Variants in RNF6 observed in about 807,000 individuals in gnomAD.
The protein encoded by RNF6 is ring finger protein 6, also known as E3 ubiquitin-protein ligase RNF6.
Under a neutral mutation model 50.1 loss-of-function variants are expected in RNF6, and 21 were observed. The observed-to-expected ratio is 0.42, with a 90% CI of 0.30 to 0.60. RNF6 has a LOEUF of 0.60. RNF6 is among the 20% of genes least tolerant of loss of function. The pLI is 0.20. For missense variants in RNF6, 698 were observed against 838.2 expected (o/e 0.83, Z 2.07); for synonymous variants, 255 against 291.8 (o/e 0.87, Z 1.29).
chr13:26,145,791 G>C (rs552776292), intron 5 of RNF6, among the ~76,000 whole-genome samples: 1 of 152,314 alleles, frequency 6.6e-6, no homozygotes, highest in South Asian at 2.1e-4. Flanking sequence ...ATTGCTTTTG[G>C]TTTACTATTT....
At chr13:26,159,544 G>A (rs998711480) in intron 5 of RNF6, among the ~76,000 whole-genome samples, 4 of 152,046 alleles carry the variant, frequency 2.6e-5, no homozygotes, top group Non-Finnish European at 4.4e-5. Context: ...AGAATGGCGT[G>A]AACCCAGGAG....
chr13:26,185,928 C>G (rs1362063311), intron 5 of RNF6, among the ~76,000 whole-genome samples: 3 of 152,166 alleles, frequency 2.0e-5, no homozygotes, highest in African/African-American at 7.2e-5. Flanking sequence ...ACACTATGTC[C>G]TAGCTTCTGC....
chr13:26,194,609 G>GAGAACC (rs1469757542), intron 5 of RNF6, among the ~76,000 whole-genome samples: 1 of 151,554 alleles, frequency 6.6e-6, no homozygotes, highest in African/African-American at 2.4e-5. Context: ...GGCTGTATTA[G>GAGAACC]TCAGGGTTCT....
intron 5 of RNF6, among the ~76,000 whole-genome samples, chr13:26,139,231 G>A (rs962603639): frequency 3.9e-5 from 6 of 152,022 alleles, no homozygotes; most frequent in African/African-American, 1.4e-4. Context: ...AATCATCCCA[G>A]AGTCAGGGAC....
chr13:26,171,865 C>G (rs1007657733), intron 5 of RNF6, among the ~76,000 whole-genome samples: 1 of 151,734 alleles, frequency 6.6e-6, no homozygotes, highest in Non-Finnish European at 1.5e-5. Flanking sequence ...TTCATAGAGA[C>G]AGAAAAAGTA....
intron 5 of RNF6, among the ~76,000 whole-genome samples, chr13:26,151,798 A>G (rs1871616005): frequency 6.6e-6 from 1 of 152,034 alleles, no homozygotes; most frequent in Admixed American, 6.6e-5. Flanking sequence ...AGAAGAAAAA[A>G]GGGGGGAAAT....
intron 5 of RNF6, among the ~76,000 whole-genome samples, chr13:26,177,322 A>G (rs1467009744): frequency 6.6e-6 from 1 of 152,200 alleles, no homozygotes; most frequent in Non-Finnish European, 1.5e-5. Context: ...ACTGGCTGCC[A>G]CAACTCCATA....
At chr13:26,189,047 A>C (rs1335186186) in intron 5 of RNF6, among the ~76,000 whole-genome samples, 1 of 152,080 alleles carries the variant, frequency 6.6e-6, no homozygotes, top group Non-Finnish European at 1.5e-5. Context: ...TATTCCTAGT[A>C]GCCAGGGATG....
chr13:26,163,353 C>T (rs1483413560), intron 5 of RNF6, among the ~76,000 whole-genome samples: 1 of 151,986 alleles, frequency 6.6e-6, no homozygotes, highest in Non-Finnish European at 1.5e-5. Context: ...TTTGTTTCGT[C>T]CATACTCCTC....
At chr13:26,153,991 C>T (rs1409047862) in intron 5 of RNF6, 1 of 152,186 alleles carries the variant, frequency 6.6e-6, no homozygotes, top group East Asian at 1.9e-4. Context: ...ATTTGAAACT[C>T]TAATTTCAGC....
intron 1 of RNF6, 37 bp from the exon 2 acceptor site, chr13:26,221,367 CTGTTTCT>C: frequency 6.6e-6 from 1 of 152,282 alleles, no homozygotes; most frequent in Non-Finnish European, 1.5e-5. Context: ...ATTCAATAAA[CTGTTTCT>C]TTAAAGGCCA....
At position 26,189,872 on chromosome 13, in the gene RNF6, C is replaced by T. The variant is rs186930907; in HGVS notation, n.768+25602G>A. Among the ~76,000 whole-genome samples the T allele has an allele frequency of 6.6e-5, 10 of 152,344 alleles. 1 individual carries two copies. Among genetic ancestry groups the T allele is most frequent in the Admixed American group, 2.0e-4 (3 of 15,302 alleles). On this transcript the variant is annotated intron_variant and non_coding_transcript_variant, in intron 5 of 5. Transcript: ENST00000468480. ...TTTCCTGACTCTAATCCAATCACTACTCTGACAGTTTAGCATTTTGGATTC... is the reference window on the plus strand; with the variant it reads ...TTTCCTGACTCTAATCCAATCACTATTCTGACAGTTTAGCATTTTGGATTC...
intron 5 of RNF6, among the ~76,000 whole-genome samples, chr13:26,175,698 G>A (rs1234668178): frequency 6.6e-6 from 1 of 152,114 alleles, no homozygotes; most frequent in African/African-American, 2.4e-5. Flanking sequence ...GATCCAAGAG[G>A]GAGTGAGAGA....
intron 5 of RNF6, among the ~76,000 whole-genome samples, chr13:26,198,267 A>G (rs546305863): frequency 2.6e-5 from 4 of 151,914 alleles, no homozygotes; most frequent in Non-Finnish European, 5.9e-5. Context: ...GGAAAGAATT[A>G]CAGTTGTAGT....
At chr13:26,188,568 G>C (rs997795039) in intron 5 of RNF6, among the ~76,000 whole-genome samples, 1 of 145,178 alleles carries the variant, frequency 6.9e-6, no homozygotes, top group African/African-American at 2.5e-5. Context: ...TTAGGTGAAA[G>C]CTGCAGCTGT....
chr13:26,146,210 A>G (rs1871234796), intron 5 of RNF6, among the ~76,000 whole-genome samples: 1 of 152,214 alleles, frequency 6.6e-6, no homozygotes, highest in Non-Finnish European at 1.5e-5. Flanking sequence ...AATTTTTGGC[A>G]GTATACTGGG....
At position 26,213,726 on chromosome 13, in the gene RNF6, A is replaced by AT. The variant is rs1869491037; in HGVS notation, c.*97dup. On this transcript the variant is annotated 3_prime_UTR_variant, in exon 5 of 5. Coordinates refer to ENST00000381588, the MANE Select transcript of RNF6 (RefSeq NM_005977.4). ...TAGTTCAAACTATATATAATCTGTT[A>AT]TTTTTCATCCTGGTTAGCTAATCAC... 1.3e-5 allele frequency: 13 copies of AT among 978,250 alleles called. No homozygotes were observed. Among genetic ancestry groups the AT allele is most frequent in the African/African-American group, 4.9e-5 (3 of 60,658 alleles). The allele number at this position is 978,250 out of a possible 1,614,324, so 60.6% of individuals were successfully genotyped here.
chr13:26,165,214 C>T lies in RNF6; in HGVS notation n.769-32763G>A, dbSNP rs1382002292. Among the ~76,000 whole-genome samples the T allele has an allele frequency of 2.0e-5, 3 of 152,194 alleles. No individual in the cohort carries two copies. In the East Asian group the frequency reaches 5.8e-4, roughly 29 times the overall value. ...GGCTTCAGAAGGTGCAAACCTCAAG[C>T]CTTGGCAGCTTCCACATGGTGTTGA... On this transcript the variant is annotated intron_variant and non_coding_transcript_variant, in intron 5 of 5. Coordinates refer to the RNF6 transcript ENST00000468480.
In RNF6 at chr13:26,218,484, T is replaced by C; in HGVS notation, c.289+27A>G. The C allele has an allele frequency of 3.2e-6, 5 of 1,550,202 alleles. No homozygotes were observed. The South Asian group carries it at 5.6e-5, about 17-fold the overall frequency. On this transcript the variant is annotated intron_variant, in intron 4 of 4. Coordinates refer to ENST00000381588, the MANE Select transcript of RNF6 (RefSeq NM_005977.4). ...TCTGCAAGTGCTCCAATCAAGCCTG[T>C]TCCTTATGGAAAGGACTCCATAGTA...
Sources: gnomAD v4.1 joint callset for allele counts (sites outside exome capture counted in the v4.1 genomes callset) on GRCh38, gnomAD v4.1.1 for gene constraint, MANE v1.5 for transcripts, NCBI Gene and HGNC (gene_info 2026-07-23, HGNC 2026-07-21) for gene names.